The following GALNT15 variants were observed in gnomAD, a reference collection of about 807,000 sequenced individuals.
GALNT15 encodes polypeptide N-acetylgalactosaminyltransferase 15.
GALNT15 carries 67 observed loss-of-function variants against 66.8 expected under a neutral mutation model. The ratio of observed to expected loss-of-function variants is 1.00; its 90% CI spans 0.82 to 1.23. GALNT15 has a LOEUF of 1.23. GALNT15 is among the 50% of genes most tolerant of loss of function. The pLI is 0.00. For missense variants in GALNT15, 827 were observed against 804.3 expected (o/e 1.03, Z -0.34); for synonymous variants, 313 against 311.5 (o/e 1.00, Z -0.05).
chr3:16,192,555 C>T (rs2063590347), intron 1 of GALNT15, among the ~76,000 whole-genome samples: 1 of 152,166 alleles, frequency 6.6e-6, no homozygotes, highest in African/African-American at 2.4e-5. Flanking sequence ...TGGGTTTACC[C>T]AAATGCATGG....
chr3:16,191,241 C>T lies in GALNT15; in HGVS notation c.540-4519C>T, dbSNP rs565225627. ...GCTTGCTGTCCTTATTTTTCTGCCT[C>T]CTTCTTCCTCCTGCTGCGGGAAGGA... On this transcript the variant is annotated intron_variant, in intron 1 of 9. Transcript: ENST00000339732. The surrounding 1 kb of genome is among the most constrained non-coding windows in gnomAD (Gnocchi z 5.2). 29 of 661,120 alleles carry T rather than the reference C, an allele frequency of 4.4e-5. No homozygotes were observed. The highest frequency in any genetic ancestry group is 6.3e-5 in the Admixed American group (1 of 15,892). 41.0% of individuals were successfully genotyped at this position (661,120 alleles called of 1,614,324 possible).
In GALNT15 at chr3:16,229,134, T is replaced by C; in HGVS notation, c.*1634T>C. 1.0e-6 allele frequency: 1 copy of C among 985,444 alleles called. No homozygotes were observed. The highest frequency in any genetic ancestry group is 4.7e-5 in the South Asian group (1 of 21,284). 61.0% of individuals were successfully genotyped at this position (985,444 alleles called of 1,614,324 possible). ...TCCTTTGGGCTGTCTCAGAACACAG[T>C]ATCCTTCAAATAAGAAAAACTGAGT... is the stretch of plus-strand genomic sequence containing the variant. On this transcript the variant is annotated 3_prime_UTR_variant, in exon 10 of 10. Transcript: ENST00000339732.
chr3:16,215,376 A>C (rs1344908248), intron 6 of GALNT15, among the ~76,000 whole-genome samples: 2 of 152,208 alleles, frequency 1.3e-5, no homozygotes, highest in Non-Finnish European at 2.9e-5. Context: ...TCATTCTATA[A>C]AACAGAAAAC....
rs765089180 is a variant in GALNT15, at chr3:16,184,370, A to G, written c.539+8680A>G. Among the ~76,000 whole-genome samples, 1 of 152,266 alleles carries G rather than the reference A, an allele frequency of 6.6e-6. No individual in the cohort carries two copies. Among genetic ancestry groups the G allele is most frequent in the African/African-American group, 2.4e-5 (1 of 41,560 alleles). ...AAGAGCCTTTGCCATGCTCTGCCTC[A>G]TTGGTTGGCTCAGCAATGCTATGAA... On this transcript the variant is annotated intron_variant, in intron 1 of 9. Transcript: ENST00000339732. This position sits in a 1 kb window ranked among gnomAD's most constrained non-coding sequence, Gnocchi z 5.0.
downstream of GALNT15, among the ~76,000 whole-genome samples, chr3:16,235,597 G>A (rs1196122813): frequency 6.6e-6 from 1 of 152,170 alleles, no homozygotes; most frequent in Non-Finnish European, 1.5e-5. Context: ...TCTAGTGAGG[G>A]CAGGAGTGAC....
At chr3:16,190,637 CAAAAAAAAAA>C (rs34205852) in intron 1 of GALNT15, among the ~76,000 whole-genome samples, 3 of 98,644 alleles carry the variant, frequency 3.0e-5, no homozygotes, top group Admixed American at 1.1e-4. Context: ...GACTCCGTAT[CAAAAAAAAAA>C]AAAAAAAAAA....
At chr3:16,220,695 C>G (rs2063933431) in intron 8 of GALNT15, among the ~76,000 whole-genome samples, 1 of 152,168 alleles carries the variant, frequency 6.6e-6, no homozygotes. Context: ...AAACAAACAT[C>G]AAAGTATAAT....
intron 3 of GALNT15, among the ~76,000 whole-genome samples, chr3:16,201,925 G>A (rs1206496254): frequency 2.6e-5 from 4 of 152,210 alleles, no homozygotes; most frequent in Non-Finnish European, 4.4e-5. Context: ...ATGTAGGCAT[G>A]TAGCAGAGTA....
chr3:16,196,429 G>A (rs2063638576), intron 2 of GALNT15, among the ~76,000 whole-genome samples: 1 of 152,134 alleles, frequency 6.6e-6, no homozygotes, highest in South Asian at 2.1e-4. Flanking sequence ...GCAGACTGGA[G>A]CGGAGTCAGC....
At chr3:16,234,181 C>A (rs1376372863), downstream of GALNT15, among the ~76,000 whole-genome samples, 1 of 152,160 alleles carries the variant, frequency 6.6e-6, no homozygotes, top group African/African-American at 2.4e-5. Flanking sequence ...AAAGAGATAC[C>A]AAATTTATCC....
the GALNT15 span, among the ~76,000 whole-genome samples, chr3:16,242,654 C>A: frequency 6.6e-6 from 1 of 152,074 alleles, no homozygotes; most frequent in Non-Finnish European, 1.5e-5. This position sits in a 1 kb window ranked among gnomAD's most constrained non-coding sequence, Gnocchi z 5.6. Flanking sequence ...TAGCACATGC[C>A]TGTAGTCCCA....
At chr3:16,185,004 G>A (rs1442272238) in intron 1 of GALNT15, among the ~76,000 whole-genome samples, 1 of 152,182 alleles carries the variant, frequency 6.6e-6, no homozygotes, top group Admixed American at 6.5e-5. Flanking sequence ...GAAAGCCCTA[G>A]GGCCATTAGA....
intron 5 of GALNT15, 21 bp from the exon 6 acceptor site, chr3:16,212,548 T>C: frequency 1.2e-6 from 2 of 1,605,986 alleles, no homozygotes; most frequent in Non-Finnish European, 1.7e-6. Context: ...CTGAGGTGTT[T>C]ATCTTTTCCC....
chr3:16,178,760 A>C (rs1467286098), intron 1 of GALNT15, among the ~76,000 whole-genome samples: 1 of 152,174 alleles, frequency 6.6e-6, no homozygotes. Flanking sequence ...ACAGGCATAT[A>C]TTAAGTGCCT....
chr3:16,203,555 A>T lies in GALNT15; in HGVS notation c.911+2732A>T, dbSNP rs1056691239. Among the ~76,000 whole-genome samples the T allele has an allele frequency of 3.5e-5, 5 of 143,002 alleles. No homozygotes were observed. Among genetic ancestry groups the T allele is most frequent in the South Asian group, 2.4e-4 (1 of 4,204 alleles). 93.8% of individuals were successfully genotyped at this position (143,002 alleles called of 152,430 possible). A position where few individuals can be genotyped will look rare whatever the true frequency, so the allele number is the denominator to read the frequency against. ...CTCTCTCTCTCTCTCACACACACAC[A>T]CACACACACACACACACACACACAC... On this transcript the variant is annotated intron_variant, in intron 3 of 9. Coordinates refer to ENST00000339732, the MANE Select transcript of GALNT15 (RefSeq NM_054110.5). This position sits in a 1 kb window ranked among gnomAD's most constrained non-coding sequence, Gnocchi z 6.2.
intron 3 of GALNT15, among the ~76,000 whole-genome samples, chr3:16,201,082 T>A (rs184518326): frequency 6.6e-6 from 1 of 152,350 alleles, no homozygotes; most frequent in East Asian, 1.9e-4. Context: ...AGGTTGCAAA[T>A]ACTTAAAATT....
chr3:16,235,602 A>G (rs1181035851), downstream of GALNT15, among the ~76,000 whole-genome samples: 1 of 152,188 alleles, frequency 6.6e-6, no homozygotes, highest in Non-Finnish European at 1.5e-5. Flanking sequence ...TGAGGGCAGG[A>G]GTGACTTACC....
intron 3 of GALNT15, among the ~76,000 whole-genome samples, chr3:16,201,290 T>A (rs573216702): frequency 1.3e-5 from 2 of 152,246 alleles, no homozygotes; most frequent in East Asian, 3.9e-4. Flanking sequence ...CACGCCATTC[T>A]CCTGCTTCAG....
chr3:16,240,410 C>T, the GALNT15 span, among the ~76,000 whole-genome samples: 1 of 152,186 alleles, frequency 6.6e-6, no homozygotes, highest in African/African-American at 2.4e-5. Flanking sequence ...AAAATATCAT[C>T]TTCACTGAAT....
Sources: gnomAD v4.1 joint callset for allele counts (sites outside exome capture counted in the v4.1 genomes callset) on GRCh38, gnomAD v4.1.1 for gene constraint, Gnocchi (gnomAD v3.1) non-coding constraint, MANE v1.5 for transcripts, NCBI Gene and HGNC (gene_info 2026-07-23, HGNC 2026-07-21) for gene names.